HIPK2: variants seen among roughly 807,000 people sequenced by gnomAD.
The protein encoded by HIPK2 is homeodomain-interacting protein kinase 2.
A neutral mutation model predicts 113.7 loss-of-function variants in HIPK2; 27 were observed. The observed-to-expected ratio is 0.24, with a 90% CI of 0.17 to 0.33. HIPK2 has a LOEUF of 0.33. Ranked by LOEUF, HIPK2 falls within the 10% of genes least tolerant of loss-of-function variation. The pLI is 1.00. For missense variants in HIPK2, 1,257 were observed against 1,588.0 expected, an observed-to-expected ratio of 0.79 and a Z score of 3.54; for synonymous variants, 631 against 642.2, an observed-to-expected ratio of 0.98 and a Z score of 0.26.
rs775964593 is a variant in HIPK2 at position 139,620,449 on chromosome 7, G to A, written c.1734C>T (p.Thr578=). Residue 578 remains threonine (T), a synonymous_variant, in exon 7 of 15, where the codon ACC becomes ACT. Transcript: ENST00000406875. The stretch of plus-strand genomic sequence containing the variant: ...GGTTGTTAAAGGTCATGGTCAGGTT[G>A]GTGGACGTGCTGGGGGCCACGTGCG... ...FITHVAPSTS[T]NLTMTFNNQL... is the part of the protein sequence containing the mutation. 4.3e-6 allele frequency: 7 copies of A among 1,613,890 alleles called. No individual in the cohort carries two copies. The highest frequency in any genetic ancestry group is 5.9e-6 in the Non-Finnish European group (7 of 1,179,926).
intron 11 of HIPK2, among the ~76,000 whole-genome samples, chr7:139,599,630 A>G (rs1488061703): frequency 5.3e-5 from 8 of 152,238 alleles, no homozygotes; most frequent in African/African-American, 1.9e-4. Context: ...AAGGTGCTAA[A>G]TCAGTTAAAC....
At position 139,575,537 on chromosome 7, in the gene HIPK2, G is replaced by A. The variant is rs1027625241; in HGVS notation, c.2966-249C>T. ...ATGAGGGAATGAAGCAAGGGAAAGCGGAAAAGAATCAGGAGAGGCAAGGTG... is the reference window on the plus strand; with the variant it reads ...ATGAGGGAATGAAGCAAGGGAAAGCAGAAAAGAATCAGGAGAGGCAAGGTG... On this transcript the variant is annotated intron_variant, in intron 13 of 14. Transcript: ENST00000406875. Among the ~76,000 whole-genome samples, 5 of 152,218 alleles carry A rather than the reference G, an allele frequency of 3.3e-5. 1 individual carries two copies. The highest frequency in any genetic ancestry group is 2.0e-4 in the Admixed American group (3 of 15,288).
At chr7:139,609,696 A>G (rs1214734880) in intron 9 of HIPK2, among the ~76,000 whole-genome samples, 1 of 152,204 alleles carries the variant, frequency 6.6e-6, no homozygotes, top group Non-Finnish European at 1.5e-5. Flanking sequence ...GAATGTTTAA[A>G]AATATCTAGG....
intron 9 of HIPK2, among the ~76,000 whole-genome samples, chr7:139,609,029 T>C (rs1334675247): frequency 2.0e-5 from 3 of 152,244 alleles, no homozygotes; most frequent in Non-Finnish European, 4.4e-5. Flanking sequence ...GGGTGGAGTC[T>C]ACAGTGATTT....
At chr7:139,774,392 A>G (rs942662201) in intron 1 of HIPK2, among the ~76,000 whole-genome samples, 1 of 152,226 alleles carries the variant, frequency 6.6e-6, no homozygotes, top group Non-Finnish European at 1.5e-5. Context: ...ATCAAGGATA[A>G]AATTAAGGCA....
chr7:139,720,186 C>A (rs1317568873), intron 1 of HIPK2, among the ~76,000 whole-genome samples: 1 of 152,230 alleles, frequency 6.6e-6, no homozygotes, highest in Non-Finnish European at 1.5e-5. Context: ...CTTTTCTCAA[C>A]TTATCCAAAG....
intron 1 of HIPK2, among the ~76,000 whole-genome samples, chr7:139,736,993 C>T (rs1386581485): frequency 4.6e-5 from 7 of 152,198 alleles, no homozygotes; most frequent in African/African-American, 1.2e-4. Flanking sequence ...TGCCATCTTG[C>T]ACCATACGGC....
intron 1 of HIPK2, among the ~76,000 whole-genome samples, chr7:139,734,570 C>T (rs530423801): frequency 1.3e-5 from 2 of 152,204 alleles, no homozygotes; most frequent in Admixed American, 6.5e-5. Context: ...CATGACGCCA[C>T]GGTTGTGCTC....
At chr7:139,642,851 C>T (rs1263706077) in intron 2 of HIPK2, among the ~76,000 whole-genome samples, 1 of 152,132 alleles carries the variant, frequency 6.6e-6, no homozygotes, top group Non-Finnish European at 1.5e-5. Context: ...ACCGTGGACC[C>T]CAAGATCTCT....
Position 139,627,780 on chromosome 7 carries a change from C to G in HIPK2, c.1435-995G>C, listed in dbSNP as rs376187824. On this transcript the variant is annotated intron_variant, in intron 5 of 14. Coordinates refer to ENST00000406875, the MANE Select transcript of HIPK2 (RefSeq NM_022740.5). ...CACTTTGGGTTGCCCTGGTTTCAGA[C>G]TAATTTTCACACTAAAAATAGCTGA... is the stretch of plus-strand genomic sequence containing the variant. 7.2e-4 allele frequency among the ~76,000 whole-genome samples: 110 copies of G among 152,304 alleles called. 3 individuals are homozygous for G. In the South Asian group the frequency reaches 0.022, roughly 30 times the overall value.
At chr7:139,698,267 G>A (rs1214882194) in intron 2 of HIPK2, among the ~76,000 whole-genome samples, 4 of 152,338 alleles carry the variant, frequency 2.6e-5, no homozygotes, top group South Asian at 4.1e-4. Context: ...GTATGTTCAT[G>A]TTGTAGCATT....
At chr7:139,592,975 C>T (rs146684322) in intron 12 of HIPK2, among the ~76,000 whole-genome samples, 246 of 152,318 alleles carry the variant, frequency 1.6e-3, no homozygotes, top group African/African-American at 5.4e-3. Context: ...AGTGCCATGG[C>T]TCCAGCACTC....
chr7:139,667,355 A>G (rs551891324), intron 2 of HIPK2, among the ~76,000 whole-genome samples: 1 of 152,346 alleles, frequency 6.6e-6, no homozygotes, highest in East Asian at 1.9e-4. Context: ...ATACACATAT[A>G]GCTTTTAAAA....
Position 139,580,007 on chromosome 7 carries a change from C to T in HIPK2, c.2965+3810G>A, listed in dbSNP as rs542092316. 1.6e-3 allele frequency among the ~76,000 whole-genome samples: 239 copies of T among 152,256 alleles called. 1 individual carries two copies. The highest frequency in any genetic ancestry group is 0.014 in the Middle Eastern group (4 of 294). ...GCCAAACCCATTAGACTCAAAGGTC[C>T]CCCAAAACCTGAGGGATGGAGGGAT... On this transcript the variant is annotated intron_variant, in intron 13 of 14. Coordinates refer to ENST00000406875, the MANE Select transcript of HIPK2 (RefSeq NM_022740.5).
At position 139,583,842 on chromosome 7, in the gene HIPK2, C is replaced by T; in HGVS notation, c.2940G>A (p.Leu980=). 2 of 1,612,132 alleles carry T rather than the reference C, an allele frequency of 1.2e-6. No individual in the cohort carries two copies. The highest frequency in any genetic ancestry group is 1.7e-6 in the Non-Finnish European group (2 of 1,179,108). ...CTGGCACCAGGCTATCACACTCCAC[C>T]AATACTTCGCTGGCCTGGGTTTTCA... is the stretch of plus-strand genomic sequence containing the variant. ...PPLKTQASEV[L]VECDSLVPVN... is the part of the protein sequence containing the mutation. The change falls in exon 13 of 15, where the codon TTG becomes TTA. Residue 980 remains leucine, a synonymous_variant. Coordinates refer to ENST00000406875, the MANE Select transcript of HIPK2 (RefSeq NM_022740.5).
At chr7:139,700,329 T>G (rs1794672653) in intron 2 of HIPK2, among the ~76,000 whole-genome samples, 2 of 152,158 alleles carry the variant, frequency 1.3e-5, no homozygotes, top group Non-Finnish European at 2.9e-5. Flanking sequence ...CACCAACATG[T>G]GGGTGACCTG....
In HIPK2 at chr7:139,680,716, C is replaced by T. The variant is rs116949800; in HGVS notation, c.1103+35216G>A. On this transcript the variant is annotated intron_variant, in intron 2 of 14. Transcript: ENST00000406875. ...CATGTCTGTGGCATGTGTGTGTTCA[C>T]GTGTGCTTCCTGAATTTCCCAACCA... 5.2e-3 allele frequency among the ~76,000 whole-genome samples: 795 copies of T among 152,348 alleles called. 4 individuals carry two copies. The highest frequency in any genetic ancestry group is 8.4e-3 in the Non-Finnish European group (571 of 68,030).
chr7:139,676,244 A>G (rs1802491860), intron 2 of HIPK2, among the ~76,000 whole-genome samples: 2 of 152,240 alleles, frequency 1.3e-5, no homozygotes, highest in Admixed American at 6.5e-5. Flanking sequence ...CCACAGGTAC[A>G]TGAATGGATG....
At chr7:139,593,050 C>T (rs1207221780) in intron 12 of HIPK2, among the ~76,000 whole-genome samples, 1 of 152,214 alleles carries the variant, frequency 6.6e-6, no homozygotes, top group East Asian at 1.9e-4. Context: ...ATGGCCCTGG[C>T]ATGGTGACCT....
Sources: gnomAD v4.1 joint callset for allele counts (sites outside exome capture counted in the v4.1 genomes callset) on GRCh38, gnomAD v4.1.1 for gene constraint, MANE v1.5 for transcripts, NCBI Gene and HGNC (gene_info 2026-07-23, HGNC 2026-07-21) for gene names.